IFT81: variants seen among roughly 807,000 people sequenced by gnomAD.
IFT81 encodes the protein intraflagellar transport protein 81 homolog.
A neutral mutation model predicts 102.6 loss-of-function variants in IFT81; 72 were observed. The ratio of observed to expected loss-of-function variants is 0.70; its 90% CI spans 0.58 to 0.85. IFT81 has a LOEUF of 0.85. IFT81 is among the 40% of genes least tolerant of loss of function. The probability of loss-of-function intolerance (pLI) is 0.00; values close to 1 mark genes in which losing one functional copy is unlikely to be tolerated. For missense variants in IFT81, 723 were observed against 787.3 expected (o/e 0.92, Z 0.98); for synonymous variants, 237 against 242.7 (o/e 0.98, Z 0.22).
In IFT81 at chr12:110,197,954, C is replaced by T. The variant is rs578092813; in HGVS notation, c.1557+5248C>T. ...CTCGAACTCCTGACCTTAGGTGATCCGCCCGCCTCAGCCTCCCAAAGTACT... is the reference window on the plus strand; with the variant it reads ...CTCGAACTCCTGACCTTAGGTGATCTGCCCGCCTCAGCCTCCCAAAGTACT... On this transcript the variant is annotated intron_variant, in intron 14 of 18. Transcript: ENST00000242591. Among the ~76,000 whole-genome samples the T allele has an allele frequency of 4.6e-5, 7 of 152,196 alleles. 1 individual carries two copies. The South Asian group carries it at 6.2e-4, about 14-fold the overall frequency.
rs767497402 is a variant in IFT81 at position 110,203,902 on chromosome 12, T to A, written c.1596T>A (p.Tyr532Ter). The change falls in exon 15 of 19, where the codon TAT becomes TAA. Residue 532 changes from tyrosine to a stop codon, truncating the protein, a stop_gained. Transcript: ENST00000242591. LOFTEE classifies it high-confidence loss of function. ...TQECDEKKSQYDSCAAGLESN... is the reference protein window; with the variant it reads ...TQECDEKKSQ ...AGTGTGATGAAAAGAAATCCCAGTA[T>A]GATAGCTGTGCAGCAGGCCTCGAAA... 6.2e-7 allele frequency: 1 copy of A among 1,613,764 alleles called. No individual in the cohort carries two copies. The highest frequency in any genetic ancestry group is 8.5e-7 in the Non-Finnish European group (1 of 1,179,672).
chr12:110,149,780 T>C (rs566071750), intron 10 of IFT81, among the ~76,000 whole-genome samples: 1 of 152,244 alleles, frequency 6.6e-6, no homozygotes, highest in South Asian at 2.1e-4. Context: ...TGTCGGTGTC[T>C]CTAGGTATCA....
intron 11 of IFT81, among the ~76,000 whole-genome samples, chr12:110,174,755 A>T (rs1176605279): frequency 6.6e-6 from 1 of 152,220 alleles, no homozygotes; most frequent in Non-Finnish European, 1.5e-5. Context: ...GATTCTGATC[A>T]TTACTCTTAA....
intron 8 of IFT81, among the ~76,000 whole-genome samples, chr12:110,141,850 C>T (rs1894912131): frequency 6.6e-6 from 1 of 152,164 alleles, no homozygotes; most frequent in African/African-American, 2.4e-5. Flanking sequence ...CACCACTGCA[C>T]TCCAGCCTGA....
intron 14 of IFT81, among the ~76,000 whole-genome samples, chr12:110,196,519 CA>C (rs1200878958): frequency 8.6e-5 from 13 of 151,886 alleles, no homozygotes; most frequent in Admixed American, 7.9e-4. Context: ...GACTCCGTCT[CA>C]AAAAAAGAGA....
intron 8 of IFT81, among the ~76,000 whole-genome samples, 187 bp downstream of exon 8, chr12:110,137,047 T>A (rs1894554790): frequency 6.6e-6 from 1 of 152,220 alleles, no homozygotes; most frequent in Non-Finnish European, 1.5e-5. Flanking sequence ...CAGATGTTTT[T>A]AAAAATTCCT....
intron 11 of IFT81, among the ~76,000 whole-genome samples, chr12:110,172,635 A>G (rs1176980818): frequency 6.6e-6 from 1 of 152,116 alleles, no homozygotes; most frequent in Non-Finnish European, 1.5e-5. Context: ...GTGATCCGCC[A>G]GCCTCGGCCT....
chr12:110,148,719 C>T (rs1203489529), intron 10 of IFT81, among the ~76,000 whole-genome samples: 1 of 152,040 alleles, frequency 6.6e-6, no homozygotes, highest in South Asian at 2.1e-4. Flanking sequence ...ATGATCCACC[C>T]GCCTTGGCCT....
In IFT81 at chr12:110,143,445, C is replaced by T; in HGVS notation, c.845C>T (p.Pro282Leu). The T allele has an allele frequency of 6.5e-7, 1 of 1,533,208 alleles. No individual in the cohort carries two copies. Among genetic ancestry groups the T allele is most frequent in the South Asian group, 1.3e-5 (1 of 77,174 alleles). 95.0% of individuals were successfully genotyped at this position (1,533,208 alleles called of 1,614,324 possible). A position where few individuals can be genotyped will look rare whatever the true frequency, so the allele number is the denominator to read the frequency against. ...FNLYMVTEKF[P>L]KELENKKKEL... ...TTATATATGGTAACTGAAAAATTTC[C>T]TAAAGAATTAGAAAATAAGAAAAAG... The change falls in exon 9 of 19, where the codon CCT (proline) becomes CTT (leucine). Residue 282 changes from proline to leucine, a missense_variant. By Grantham distance (98) the Pro-to-Leu change is moderately conservative. Coordinates refer to ENST00000242591, the MANE Select transcript of IFT81 (RefSeq NM_014055.4).
At position 110,209,199 on chromosome 12, in the gene IFT81, C is replaced by A; in HGVS notation, c.1831C>A (p.Gln611Lys). 6.4e-7 allele frequency: 1 copy of A among 1,552,184 alleles called. No homozygotes were observed. The highest frequency in any genetic ancestry group is 8.9e-7 in the Non-Finnish European group (1 of 1,128,350). Residue 611 changes from glutamine (Q) to lysine (K), a missense_variant, in exon 18 of 19, where the codon CAA (glutamine) becomes AAA (lysine). Physicochemically the swap from Gln to Lys is moderately conservative, Grantham distance 53. Transcript: ENST00000242591. The stretch of plus-strand genomic sequence containing the variant: ...ACAGTATACCAAAAATACTGCTGAA[C>A]AAGAAAACCTTGGAAAGGTAAGAAT... ...REQYTKNTAE[Q>K]ENLGKKLREK... is the part of the protein sequence containing the mutation.
At chr12:110,184,879 A>T (rs150445685) in intron 12 of IFT81, among the ~76,000 whole-genome samples, 12 of 152,294 alleles carry the variant, frequency 7.9e-5, no homozygotes, top group African/African-American at 2.9e-4. Flanking sequence ...AAACATGATG[A>T]TGGACCCAGA....
At position 110,188,367 on chromosome 12, in the gene IFT81, G is replaced by A. The variant is rs550163016; in HGVS notation, c.1339-2553G>A. Among the ~76,000 whole-genome samples the A allele has an allele frequency of 1.1e-4, 16 of 151,008 alleles. 1 individual carries two copies. In the South Asian group the frequency reaches 3.4e-3, roughly 32 times the overall value. On this transcript the variant is annotated intron_variant, in intron 12 of 18. Coordinates refer to ENST00000242591, the MANE Select transcript of IFT81 (RefSeq NM_014055.4). ...AATTAAAAAAAAAAATAACCCATCT[G>A]CTGATTTCCGCTTGGTTTTTGAGAG...
rs565357598 is a variant in IFT81 at position 110,173,837 on chromosome 12, C to T, written c.1189-6585C>T. ...GGGACACAAACACTGCGGAAGGCCT[C>T]AGGGTCCTCTGCCTAGGAAAACCAG... is the stretch of plus-strand genomic sequence containing the variant. On this transcript the variant is annotated intron_variant, in intron 11 of 18. Coordinates refer to ENST00000242591, the MANE Select transcript of IFT81 (RefSeq NM_014055.4). 5.4e-3 allele frequency among the ~76,000 whole-genome samples: 818 copies of T among 152,118 alleles called. 3 individuals are homozygous for T. The highest frequency in any genetic ancestry group is 8.5e-3 in the Non-Finnish European group (577 of 67,986).
chr12:110,139,528 T>G (rs1894725549), intron 8 of IFT81, among the ~76,000 whole-genome samples: 1 of 151,524 alleles, frequency 6.6e-6, no homozygotes, highest in African/African-American at 2.4e-5. Context: ...TAAAAAATTA[T>G]TTGGGAGGCC....
At chr12:110,184,128 A>AT (rs1897417997) in intron 12 of IFT81, among the ~76,000 whole-genome samples, 1 of 152,194 alleles carries the variant, frequency 6.6e-6, no homozygotes, top group African/African-American at 2.4e-5. Context: ...AGGCGGGTGG[A>AT]TCACGAGGTC....
At chr12:110,203,772 G>A (rs1898425918) in intron 14 of IFT81, 92 bp from the exon 15 acceptor site, 1 of 800,334 alleles carries the variant, frequency 1.2e-6, no homozygotes, top group Admixed American at 2.0e-5. Flanking sequence ...TTAGAGTTAA[G>A]TTACAAGACT....
intron 18 of IFT81, among the ~76,000 whole-genome samples, chr12:110,216,239 G>A (rs1362013717): frequency 2.6e-5 from 4 of 152,134 alleles, no homozygotes; most frequent in Non-Finnish European, 5.9e-5. Context: ...TGCCCAGGCT[G>A]GAGTGCAGTG....
At position 110,197,248 on chromosome 12, in the gene IFT81, GTAGATAGATAGA is replaced by G. The variant is rs57797208; in HGVS notation, c.1557+4576_1557+4587del. Among the ~76,000 whole-genome samples the G allele has an allele frequency of 4.4e-3, 653 of 147,154 alleles. 3 individuals carry two copies. The highest frequency in any genetic ancestry group is 0.013 in the African/African-American group (508 of 39,772). The stretch of plus-strand genomic sequence containing the variant: ...GGTAGATAAGTAGATAGGTAGGTAG[GTAGATAGATAGA>G]TAGATAGATAGATAGATAGATAGAT... On this transcript the variant is annotated intron_variant, in intron 14 of 18. Transcript: ENST00000242591.
At chr12:110,133,500 C>T (rs897811928) in intron 5 of IFT81, among the ~76,000 whole-genome samples, 5 of 150,760 alleles carry the variant, frequency 3.3e-5, no homozygotes, top group Admixed American at 1.3e-4. Flanking sequence ...TGGTGGTGCA[C>T]GCCTGTAGTC....
Sources: allele counts gnomAD v4.1 joint callset (sites outside exome capture counted in the v4.1 genomes callset), GRCh38; gene constraint gnomAD v4.1.1; transcripts MANE v1.5; gene names NCBI Gene and HGNC (gene_info 2026-07-23, HGNC 2026-07-21).